The following MICAL2 variants were observed in gnomAD, a reference collection of about 807,000 sequenced individuals.
MICAL2 encodes [F-actin]-monooxygenase MICAL2.
In MICAL2, 77 loss-of-function variants were observed where a neutral mutation model predicts 127.3. That is an observed-to-expected ratio of 0.60 (90% CI 0.50 to 0.73). The LOEUF is 0.73. MICAL2 is among the 30% of genes least tolerant of loss of function. The pLI is 0.00. For synonymous variants in MICAL2, 570 were observed against 551.1 expected, an observed-to-expected ratio of 1.03 and a Z score of -0.48; for missense variants, 1,351 against 1,434.4, an observed-to-expected ratio of 0.94 and a Z score of 0.94.
chr11:12,128,856 T>C (rs1204675928), intron 1 of MICAL2, among the ~76,000 whole-genome samples: 2 of 152,264 alleles, frequency 1.3e-5, no homozygotes, highest in African/African-American at 4.8e-5. Flanking sequence ...TCTGCAAACT[T>C]GCTTCATAGG....
intron 31 of MICAL2, among the ~76,000 whole-genome samples, chr11:12,324,365 C>T (rs1864333311): frequency 6.6e-6 from 1 of 152,166 alleles, no homozygotes; most frequent in Admixed American, 6.5e-5. Flanking sequence ...GGGAGTCATC[C>T]CTGACTGCCA....
chr11:12,250,927 T>C (rs1355018763), intron 22 of MICAL2, among the ~76,000 whole-genome samples: 1 of 152,144 alleles, frequency 6.6e-6, no homozygotes, highest in Admixed American at 6.5e-5. Flanking sequence ...AACCCTGAGG[T>C]CCACACCAGG....
At chr11:12,310,364 G>A (rs1305295910) in intron 29 of MICAL2, among the ~76,000 whole-genome samples, 3 of 152,106 alleles carry the variant, frequency 2.0e-5, no homozygotes, top group Admixed American at 1.3e-4. Flanking sequence ...TATGGTGAAC[G>A]ATGGAATCTA....
intron 3 of MICAL2, among the ~76,000 whole-genome samples, chr11:12,175,270 G>A (rs1856706706): frequency 6.6e-6 from 1 of 152,112 alleles, no homozygotes; most frequent in Admixed American, 6.5e-5. Context: ...GAGGTCAGAA[G>A]TTCGAGACCA....
Position 12,208,076 on chromosome 11 carries a change from G to A in MICAL2, c.526G>A (p.Glu176Lys), listed in dbSNP as rs765081815. The change falls in exon 5 of 28, where the codon GAA (glutamate) becomes AAA (lysine). Residue 176 changes from glutamate (E) to lysine (K), a missense_variant. Glu to Lys is a moderately conservative substitution (Grantham distance 56). This residue lies in a region of MICAL2 where 599 missense variants were observed against 714.9 expected (regional missense o/e 0.84). Transcript: ENST00000683283. ...LFKVALMLGV[E>K]IHVNVEFVKV... ...CAAGGTGGCCCTGATGCTGGGAGTT[G>A]AAATCCATGTGAATGTGGAGTTCGT... 6.2e-7 allele frequency: 1 copy of A among 1,614,186 alleles called. No homozygotes were observed. The highest frequency in any genetic ancestry group is 1.1e-5 in the South Asian group (1 of 91,082).
At chr11:12,267,031 G>A (rs922358925), downstream of MICAL2, among the ~76,000 whole-genome samples, 4 of 152,196 alleles carry the variant, frequency 2.6e-5, no homozygotes, top group Admixed American at 6.5e-5. Context: ...ACTAGACAGC[G>A]GTCTCGATTC....
intron 31 of MICAL2, chr11:12,324,203 G>A: frequency 9.2e-7 from 1 of 1,089,412 alleles, no homozygotes; most frequent in South Asian, 2.0e-5. Flanking sequence ...TGTTCTCTGA[G>A]GAACCAGATT....
At chr11:12,335,497 C>T (rs1363543194) in intron 32 of MICAL2, among the ~76,000 whole-genome samples, 1 of 151,944 alleles carries the variant, frequency 6.6e-6, no homozygotes, top group African/African-American at 2.4e-5. Flanking sequence ...GTTGCCATTG[C>T]TTTTGGTGTT....
chr11:12,153,493 G>A (rs1002997235), intron 2 of MICAL2, among the ~76,000 whole-genome samples: 21 of 152,026 alleles, frequency 1.4e-4, no homozygotes, highest in Non-Finnish European at 2.1e-4. Flanking sequence ...GCTGGAGTGC[G>A]GTGGTGCAAT....
rs763357475 is a variant in MICAL2 at position 12,222,677 on chromosome 11, G to A, written c.1383G>A (p.Glu461=). 1 of 1,614,240 alleles carries A rather than the reference G, an allele frequency of 6.2e-7. No individual in the cohort carries two copies. Among genetic ancestry groups the A allele is most frequent in the South Asian group, 1.1e-5 (1 of 91,084 alleles). Residue 461 remains glutamate (E), a synonymous_variant, in exon 11 of 28, where the codon GAG becomes GAA. Coordinates refer to ENST00000683283, the MANE Select transcript of MICAL2 (RefSeq NM_001282663.2). ...CGGAGAACATCAACAAGAACTTTGA[G>A]CAGTACACGTTGGACCCAGGGACAC... is the stretch of plus-strand genomic sequence containing the variant. ...TTPENINKNF[E]QYTLDPGTRY...
chr11:12,217,242 C>A (rs897503869), intron 8 of MICAL2, among the ~76,000 whole-genome samples: 1 of 152,202 alleles, frequency 6.6e-6, no homozygotes, highest in Non-Finnish European at 1.5e-5. Flanking sequence ...CCAGGCAGCA[C>A]GGTGGCCATT....
chr11:12,170,934 G>A (rs1422761559), intron 3 of MICAL2, among the ~76,000 whole-genome samples: 5 of 152,208 alleles, frequency 3.3e-5, no homozygotes, highest in African/African-American at 9.7e-5. Flanking sequence ...AGGGATAGAG[G>A]AGCGAACTCT....
chr11:12,336,873 T>C (rs11022308), intron 32 of MICAL2, among the ~76,000 whole-genome samples: 33,397 of 151,788 alleles, frequency 0.22, 4,332 homozygotes, highest in African/African-American at 0.34. Context: ...TATTGAGGAT[T>C]TTTGCATCAG....
intron 3 of MICAL2, among the ~76,000 whole-genome samples, chr11:12,189,581 A>G (rs965341315): frequency 2.0e-5 from 3 of 152,232 alleles, no homozygotes; most frequent in Non-Finnish European, 2.9e-5. Flanking sequence ...TCCCTAACCT[A>G]CCTTATCTCA....
At chr11:12,314,204 G>A (rs540370180) in intron 29 of MICAL2, among the ~76,000 whole-genome samples, 237 of 151,158 alleles carry the variant, frequency 1.6e-3, no homozygotes, top group African/African-American at 4.5e-3. Flanking sequence ...AAATCTATCC[G>A]TTTACTGTTT....
chr11:12,312,409 G>T (rs1864184589), intron 29 of MICAL2, among the ~76,000 whole-genome samples: 1 of 149,836 alleles, frequency 6.7e-6, no homozygotes. Context: ...TACTTTAACT[G>T]CATCCCAGTC....
intron 2 of MICAL2, among the ~76,000 whole-genome samples, chr11:12,144,726 C>T (rs1053060648): frequency 5.3e-5 from 8 of 152,218 alleles, no homozygotes; most frequent in African/African-American, 1.7e-4. Flanking sequence ...ACCTGTCAGA[C>T]CAATAACCTC....
intron 3 of MICAL2, among the ~76,000 whole-genome samples, chr11:12,177,302 G>A (rs1415264269): frequency 3.3e-5 from 5 of 152,174 alleles, no homozygotes; most frequent in Non-Finnish European, 7.4e-5. Context: ...CTTCTTTAGA[G>A]AAATGTTTAT....
At position 12,258,675 on chromosome 11, in the gene MICAL2, AAAG is replaced by A. The variant is rs1862664576; in HGVS notation, c.3231+125_3231+127del. On this transcript the variant is annotated intron_variant, in intron 25 of 27. Coordinates refer to ENST00000683283, the MANE Select transcript of MICAL2 (RefSeq NM_001282663.2). ...AGAGGGATTGAGATGACTCACAGAT[AAAG>A]AAGAAAGCCTCTGCTTCCTGGTGTG... is the stretch of plus-strand genomic sequence containing the variant. 4 of 859,080 alleles carry A rather than the reference AAAG, an allele frequency of 4.7e-6. 1 individual carries two copies. The South Asian group carries it at 6.3e-5, about 14-fold the overall frequency. 53.2% of individuals were successfully genotyped at this position (859,080 alleles called of 1,614,324 possible).
Sources: allele counts gnomAD v4.1 joint callset (sites outside exome capture counted in the v4.1 genomes callset), GRCh38; gene constraint gnomAD v4.1.1; regional missense constraint gnomAD v4.1.1; transcripts MANE v1.5; gene names NCBI Gene and HGNC (gene_info 2026-07-23, HGNC 2026-07-21).